DNAI7: variants seen among roughly 807,000 people sequenced by gnomAD.
The protein encoded by DNAI7 is dynein axonemal intermediate chain 7, also known as cancer susceptibility 1.
A neutral mutation model predicts 86.6 loss-of-function variants in DNAI7; 78 were observed. The observed-to-expected ratio is 0.90, with a 90% CI of 0.75 to 1.09. DNAI7 has a LOEUF of 1.09. DNAI7 is among the 50% of genes least tolerant of loss of function. The pLI, the probability that DNAI7 is intolerant of heterozygous loss-of-function variation, is 0.00. For missense variants in DNAI7, 753 were observed against 810.2 expected (o/e 0.93, Z 0.86); for synonymous variants, 274 against 273.0 (o/e 1.00, Z -0.04).
At chr12:25,147,621 A>C (rs1289627673) in intron 7 of DNAI7, among the ~76,000 whole-genome samples, 1 of 152,116 alleles carries the variant, frequency 6.6e-6, no homozygotes, top group Non-Finnish European at 1.5e-5. Context: ...TGCACCATGC[A>C]CTCTAGCCGG....
intron 3 of DNAI7, among the ~76,000 whole-genome samples, chr12:25,159,424 C>CA (rs1381255988): frequency 4.1e-4 from 52 of 127,870 alleles, no homozygotes; most frequent in Middle Eastern, 8.5e-3. Flanking sequence ...TCCCATTTCC[C>CA]AAAAAAAAAG....
intron 2 of DNAI7, among the ~76,000 whole-genome samples, chr12:25,162,644 T>C (rs1243815840): frequency 6.6e-6 from 1 of 152,240 alleles, no homozygotes; most frequent in Admixed American, 6.5e-5. Flanking sequence ...CTGGAATCTC[T>C]AATCCATTGC....
intron 14 of DNAI7, among the ~76,000 whole-genome samples, chr12:25,111,270 T>C (rs936914060): frequency 1.3e-5 from 2 of 152,180 alleles, no homozygotes; most frequent in Non-Finnish European, 2.9e-5. Context: ...ACCCCCATCC[T>C]CAAGAAGCTC....
At chr12:25,152,132 G>A (rs1260309137) in intron 6 of DNAI7, among the ~76,000 whole-genome samples, 1 of 152,208 alleles carries the variant, frequency 6.6e-6, no homozygotes, top group Non-Finnish European at 1.5e-5. Context: ...CCTGGCACAA[G>A]CTTCTTAGAA....
At chr12:25,140,852 T>C (rs1044725063) in intron 9 of DNAI7, among the ~76,000 whole-genome samples, 2 of 152,056 alleles carry the variant, frequency 1.3e-5, no homozygotes, top group Non-Finnish European at 2.9e-5. Context: ...GGTACTGGTA[T>C]AAAAATAGGC....
intron 11 of DNAI7, among the ~76,000 whole-genome samples, chr12:25,121,516 T>C (rs1419252634): frequency 6.6e-6 from 1 of 152,228 alleles, no homozygotes; most frequent in Non-Finnish European, 1.5e-5. Flanking sequence ...AACATAATGA[T>C]GTAAATTTAC....
At chr12:25,112,514 C>T (rs1448332780) in intron 13 of DNAI7, among the ~76,000 whole-genome samples, 1 of 145,160 alleles carries the variant, frequency 6.9e-6, no homozygotes, top group Non-Finnish European at 1.5e-5. Context: ...TCACACCATT[C>T]TCCTGCTTCA....
intron 2 of DNAI7, among the ~76,000 whole-genome samples, chr12:25,168,817 T>C (rs999069114): frequency 2.6e-5 from 4 of 152,178 alleles, no homozygotes; most frequent in African/African-American, 9.7e-5. Flanking sequence ...CTCCTTCTCT[T>C]ATTCTGTTTA....
At chr12:25,152,588 G>A (rs745442814) in intron 6 of DNAI7, among the ~76,000 whole-genome samples, 1 of 152,196 alleles carries the variant, frequency 6.6e-6, no homozygotes, top group Non-Finnish European at 1.5e-5. Flanking sequence ...AACCAGTAAA[G>A]GCGAGTAAAT....
chr12:25,182,474 T>C (rs1194316311), intron 2 of DNAI7, among the ~76,000 whole-genome samples: 1 of 151,872 alleles, frequency 6.6e-6, no homozygotes, highest in Non-Finnish European at 1.5e-5. Context: ...ATGTAGGGTG[T>C]GGTAGCACAC....
intron 8 of DNAI7, 143 bp from the exon 9 acceptor site, chr12:25,144,820 T>C (rs541411109): frequency 3.2e-5 from 21 of 661,520 alleles, no homozygotes; most frequent in Admixed American, 3.0e-4. Context: ...CTTTGCAGCA[T>C]TTGGACCCAG....
chr12:25,186,776 G>T (rs552972351), intron 2 of DNAI7, among the ~76,000 whole-genome samples: 1 of 152,144 alleles, frequency 6.6e-6, no homozygotes, highest in African/African-American at 2.4e-5. Context: ...TGGTAAAAAG[G>T]CAGGGTTTTT....
chr12:25,109,229 A>G (rs1170517391), intron 15 of DNAI7, among the ~76,000 whole-genome samples: 2 of 152,240 alleles, frequency 1.3e-5, no homozygotes, highest in African/African-American at 4.8e-5. Context: ...CAATAAATAC[A>G]GTGGCTTGTT....
At chr12:25,107,810 C>G (rs1949308332), downstream of DNAI7, 2 of 1,608,088 alleles carry the variant, frequency 1.2e-6, no homozygotes, top group Non-Finnish European at 8.5e-7. Context: ...TTGTGTTTTC[C>G]TTATAGTTAT....
chr12:25,164,115 C>A (rs771735985), intron 2 of DNAI7, among the ~76,000 whole-genome samples: 4 of 152,174 alleles, frequency 2.6e-5, no homozygotes, highest in Non-Finnish European at 5.9e-5. Context: ...ACCCCCAACC[C>A]CTTCTCTCCG....
At chr12:25,194,918 G>C in intron 1 of DNAI7, 158 bp downstream of exon 1, 1 of 1,614,192 alleles carries the variant, frequency 6.2e-7, no homozygotes, top group South Asian at 1.1e-5. Flanking sequence ...GAAAGCCATT[G>C]CTGAGAAGAG....
chr12:25,131,427 G>T (rs759199477), intron 9 of DNAI7, among the ~76,000 whole-genome samples: 3 of 152,190 alleles, frequency 2.0e-5, no homozygotes, highest in Non-Finnish European at 4.4e-5. Flanking sequence ...TACACTGTCT[G>T]TAAATATTGC....
chr12:25,109,921 G>A (rs891394945), intron 15 of DNAI7, among the ~76,000 whole-genome samples: 2 of 150,764 alleles, frequency 1.3e-5, no homozygotes, highest in African/African-American at 4.9e-5. Context: ...CAGGTGATCT[G>A]CCCACCTCAG....
At chr12:25,141,056 T>G (rs1425966673) in intron 9 of DNAI7, among the ~76,000 whole-genome samples, 1 of 152,032 alleles carries the variant, frequency 6.6e-6, no homozygotes, top group African/African-American at 2.4e-5. Flanking sequence ...TATACAAAAA[T>G]CAACTCAAAA....
Sources: gnomAD v4.1 joint callset for allele counts (sites outside exome capture counted in the v4.1 genomes callset) on GRCh38, gnomAD v4.1.1 for gene constraint, MANE v1.5 for transcripts, NCBI Gene and HGNC (gene_info 2026-07-23, HGNC 2026-07-21) for gene names.